Variants in USP47 observed in about 807,000 individuals in gnomAD.
The protein encoded by USP47 is ubiquitin specific peptidase 47.
A neutral mutation model predicts 165.1 loss-of-function variants in USP47; 35 were observed. That is an observed-to-expected ratio of 0.21 (90% CI 0.16 to 0.28). USP47 has a LOEUF of 0.28. USP47 is among the 10% of genes least tolerant of loss of function. The pLI, the probability that USP47 is intolerant of heterozygous loss-of-function variation, is 1.00. For synonymous variants in USP47, 531 were observed against 544.5 expected, an observed-to-expected ratio of 0.98 and a Z score of 0.35; for missense variants, 1,277 against 1,607.4, an observed-to-expected ratio of 0.79 and a Z score of 3.52.
At chr11:11,878,235 T>C (rs1850606824) in intron 1 of USP47, among the ~76,000 whole-genome samples, 1 of 152,134 alleles carries the variant, frequency 6.6e-6, no homozygotes, top group Non-Finnish European at 1.5e-5. Flanking sequence ...TATGTATGAT[T>C]ACTATTACAG....
At chr11:11,858,836 A>G (rs1849212168) in intron 1 of USP47, among the ~76,000 whole-genome samples, 1 of 152,222 alleles carries the variant, frequency 6.6e-6, no homozygotes, top group African/African-American at 2.4e-5. Flanking sequence ...GGTGATTCTG[A>G]ATAAAGCTAC....
At chr11:11,919,872 A>G (rs973447284) in intron 8 of USP47, among the ~76,000 whole-genome samples, 2 of 151,904 alleles carry the variant, frequency 1.3e-5, no homozygotes, top group Admixed American at 1.3e-4. Flanking sequence ...GAGATTATTT[A>G]GCCAAACACT....
intron 1 of USP47, among the ~76,000 whole-genome samples, chr11:11,847,107 T>C (rs1319711046): frequency 1.3e-5 from 2 of 152,158 alleles, no homozygotes; most frequent in African/African-American, 4.8e-5. Flanking sequence ...TAGGGTTAAA[T>C]GCGTTGAAAG....
intron 3 of USP47, among the ~76,000 whole-genome samples, chr11:11,887,176 A>T (rs1253520476): frequency 6.6e-6 from 1 of 152,140 alleles, no homozygotes; most frequent in Non-Finnish European, 1.5e-5. Context: ...CACATAAGCC[A>T]GGAAAATAGC....
intron 1 of USP47, among the ~76,000 whole-genome samples, chr11:11,870,479 T>G (rs979888254): frequency 1.3e-5 from 2 of 152,208 alleles, no homozygotes; most frequent in Admixed American, 1.3e-4. Flanking sequence ...GTTTCTTTGA[T>G]GATTTCTCTT....
intron 3 of USP47, among the ~76,000 whole-genome samples, chr11:11,890,861 G>A (rs766010676): frequency 2.6e-4 from 40 of 152,128 alleles, no homozygotes; most frequent in Non-Finnish European, 5.4e-4. Context: ...TCCTTTGCAG[G>A]GAGATGGATG....
chr11:11,851,145 T>C (rs557336799), intron 1 of USP47, among the ~76,000 whole-genome samples: 128 of 152,326 alleles, frequency 8.4e-4, no homozygotes, highest in African/African-American at 3.0e-3. Context: ...TCTCATCTTT[T>C]GCCAGGAGAG....
intron 23 of USP47, 65 bp from the exon 24 acceptor site, chr11:11,950,299 A>G (rs1296991306): frequency 3.6e-6 from 4 of 1,097,922 alleles, no homozygotes; most frequent in Admixed American, 5.0e-5. Flanking sequence ...GTGTCAGATT[A>G]GTGTCAATCT....
chr11:11,866,986 C>T (rs1045792512), intron 1 of USP47, among the ~76,000 whole-genome samples: 4 of 152,074 alleles, frequency 2.6e-5, no homozygotes, highest in African/African-American at 9.7e-5. Context: ...CAACTTCTGC[C>T]TCCCAGGTTC....
chr11:11,848,985 T>G (rs1475595951), intron 1 of USP47, among the ~76,000 whole-genome samples: 3 of 151,918 alleles, frequency 2.0e-5, no homozygotes, highest in Non-Finnish European at 4.4e-5. Flanking sequence ...AAATGAGGGT[T>G]TACCACTATC....
Position 11,948,521 on chromosome 11 carries a change from G to A in USP47, c.3311G>A (p.Arg1104Lys), listed in dbSNP as rs1214001325. The change falls in exon 22 of 28, where the codon AGA becomes AAA. Residue 1104 changes from arginine to lysine, a missense_variant. Arg to Lys is a conservative substitution (Grantham distance 26, BLOSUM62 2). Transcript: ENST00000527733. ...LGRALKKGEY[R>K]VKVYQLLVNE... ...AGAGCACTTAAAAAAGGAGAATACA[G>A]AGTTAAAGTATACCAGCTTTTGGTC... 1.9e-6 allele frequency: 3 copies of A among 1,612,978 alleles called. No homozygotes were observed. The highest frequency in any genetic ancestry group is 2.5e-6 in the Non-Finnish European group (3 of 1,179,178).
intron 20 of USP47, 54 bp from the exon 21 acceptor site, chr11:11,947,891 T>C: frequency 6.5e-7 from 1 of 1,535,722 alleles, no homozygotes; most frequent in Admixed American, 2.1e-5. Context: ...TTATTTATAC[T>C]CAGAGGTTTC....
chr11:11,953,405 A>C (rs1184022340), intron 25 of USP47, among the ~76,000 whole-genome samples: 1 of 152,164 alleles, frequency 6.6e-6, no homozygotes, highest in Non-Finnish European at 1.5e-5. Flanking sequence ...AAGTTTATAT[A>C]TAAAAAAAGT....
At chr11:11,862,024 C>CTTTT (rs35753812) in intron 1 of USP47, among the ~76,000 whole-genome samples, 1 of 140,226 alleles carries the variant, frequency 7.1e-6, no homozygotes, top group African/African-American at 2.6e-5. Flanking sequence ...GGTACAAAGT[C>CTTTT]TTTTTTTTTT....
chr11:11,864,413 A>G (rs1849555959), intron 1 of USP47, among the ~76,000 whole-genome samples: 1 of 152,140 alleles, frequency 6.6e-6, no homozygotes, highest in Non-Finnish European at 1.5e-5. Context: ...GTCTTTAAGT[A>G]TGTACAGTTC....
chr11:11,845,878 A>G (rs1448648247), intron 1 of USP47, among the ~76,000 whole-genome samples: 3 of 152,174 alleles, frequency 2.0e-5, no homozygotes, highest in African/African-American at 4.8e-5. Context: ...TATAGCTGCC[A>G]TCTTTTGATA....
intron 10 of USP47, among the ~76,000 whole-genome samples, chr11:11,921,746 A>G (rs1298261536): frequency 1.3e-5 from 2 of 151,900 alleles, no homozygotes; most frequent in Non-Finnish European, 3.0e-5. Flanking sequence ...AAACTTATAT[A>G]TGAAGCTTAG....
At chr11:11,843,263 G>A (rs1343081347) in intron 1 of USP47, among the ~76,000 whole-genome samples, 1 of 152,202 alleles carries the variant, frequency 6.6e-6, no homozygotes, top group African/African-American at 2.4e-5. Flanking sequence ...CAGTATGCAA[G>A]GGTGATATTA....
chr11:11,873,825 A>G (rs1850225995), intron 1 of USP47: 2 of 1,491,088 alleles, frequency 1.3e-6, no homozygotes, highest in African/African-American at 1.4e-5. Context: ...TGCAGACAAA[A>G]TATCTTTGAT....
Sources: gnomAD v4.1 joint callset for allele counts (sites outside exome capture counted in the v4.1 genomes callset) on GRCh38, gnomAD v4.1.1 for gene constraint, MANE v1.5 for transcripts, NCBI Gene and HGNC (gene_info 2026-07-23, HGNC 2026-07-21) for gene names.